NFIB: variants seen among roughly 807,000 people sequenced by gnomAD.
NFIB encodes nuclear factor I B, also known as nuclear factor 1 B-type.
In NFIB, 11 loss-of-function variants were observed where a neutral mutation model predicts 61.5. The observed-to-expected ratio is 0.18, with a 90% CI of 0.11 to 0.30. The LOEUF is 0.30. Among genes scored for constraint, NFIB ranks in the 10% least tolerant of loss-of-function variants. NFIB has a pLI of 1.00. For missense variants in NFIB, 471 were observed against 608.9 expected, an observed-to-expected ratio of 0.77 and a Z score of 2.38; for synonymous variants, 260 against 216.5, an observed-to-expected ratio of 1.20 and a Z score of -1.76.
chr9:14,514,376 C>T, the NFIB span, among the ~76,000 whole-genome samples: 1 of 150,460 alleles, frequency 6.6e-6, no homozygotes, highest in African/African-American at 2.4e-5. Context: ...GGCATGCACA[C>T]CCGCTTGGCT....
intron 2 of NFIB, among the ~76,000 whole-genome samples, chr9:14,259,735 T>C (rs918349302): frequency 3.3e-5 from 5 of 151,578 alleles, no homozygotes; most frequent in Admixed American, 6.6e-5. Flanking sequence ...ATCCTGTCTC[T>C]ACTAAAAATA....
chr9:14,177,874 T>G (rs1370722313), intron 3 of NFIB, among the ~76,000 whole-genome samples: 1 of 152,180 alleles, frequency 6.6e-6, no homozygotes, highest in African/African-American at 2.4e-5. Flanking sequence ...AATGAAATTT[T>G]AACCAAGCTT....
chr9:14,282,781 G>A lies in NFIB; in HGVS notation c.562+24208C>T, dbSNP rs537386924. Among the ~76,000 whole-genome samples the A allele has an allele frequency of 7.2e-5, 11 of 152,198 alleles. 1 individual carries two copies. In the South Asian group the frequency reaches 1.5e-3, roughly 20 times the overall value. ...GTTTCTGAATTAGGCCGCACAGCCA[G>A]GTGAGCTCCTCATGCAGGGCTTCAG... is the stretch of plus-strand genomic sequence containing the variant. On this transcript the variant is annotated intron_variant, in intron 2 of 10. Coordinates refer to ENST00000380953, the MANE Select transcript of NFIB (RefSeq NM_001190737.2).
At chr9:14,322,803 C>T (rs2060695030) in intron 1 of NFIB, among the ~76,000 whole-genome samples, 1 of 151,796 alleles carries the variant, frequency 6.6e-6, no homozygotes, top group Non-Finnish European at 1.5e-5. Context: ...GCGTGGGTAG[C>T]GGTGGGGCTC....
the NFIB span, among the ~76,000 whole-genome samples, chr9:14,415,185 G>T: frequency 6.6e-6 from 1 of 152,082 alleles, no homozygotes; most frequent in African/African-American, 2.4e-5. Flanking sequence ...TGAACTGAAG[G>T]CCCCACTTTC....
the NFIB span, among the ~76,000 whole-genome samples, chr9:14,496,480 A>C: frequency 6.6e-6 from 1 of 152,286 alleles, no homozygotes; most frequent in Non-Finnish European, 1.5e-5. Flanking sequence ...GAGGATGTTC[A>C]ACGTGTATTT....
chr9:14,273,259 C>A (rs994930024), intron 2 of NFIB, among the ~76,000 whole-genome samples: 1 of 152,154 alleles, frequency 6.6e-6, no homozygotes, highest in Non-Finnish European at 1.5e-5. Context: ...TGTGTATTAT[C>A]TGTGTAACTC....
chr9:14,346,290 A>ACCCCCCCCCCC (rs67699489), intron 1 of NFIB, among the ~76,000 whole-genome samples: 12 of 88,394 alleles, frequency 1.4e-4, no homozygotes, highest in Non-Finnish European at 2.6e-4. Flanking sequence ...GGTAACCGAC[A>ACCCCCCCCCCC]CCCCCCCCCC....
intron 2 of NFIB, among the ~76,000 whole-genome samples, chr9:14,295,544 T>C (rs1441794366): frequency 2.0e-5 from 3 of 151,868 alleles, no homozygotes; most frequent in East Asian, 1.9e-4. Flanking sequence ...GGCAGGAGAA[T>C]GGCGTGAACC....
chr9:14,381,983 G>C (rs1283833607), intron 1 of NFIB, among the ~76,000 whole-genome samples: 1 of 152,188 alleles, frequency 6.6e-6, no homozygotes, highest in Non-Finnish European at 1.5e-5. Flanking sequence ...GGCTTAGCTG[G>C]AAAAAATGCT....
intron 2 of NFIB, among the ~76,000 whole-genome samples, chr9:14,230,708 CT>C (rs1156811497): frequency 1.3e-5 from 2 of 152,092 alleles, no homozygotes; most frequent in African/African-American, 4.8e-5. Flanking sequence ...AAAAGTAGCA[CT>C]TTTTGACAAA....
At chr9:14,360,777 C>T (rs2061230019) in intron 1 of NFIB, among the ~76,000 whole-genome samples, 1 of 152,058 alleles carries the variant, frequency 6.6e-6, no homozygotes, top group Non-Finnish European at 1.5e-5. Flanking sequence ...ATCTCCTGAC[C>T]TCGTCATCCG....
At chr9:14,412,098 C>T in the NFIB span, among the ~76,000 whole-genome samples, 1 of 152,326 alleles carries the variant, frequency 6.6e-6, no homozygotes, top group South Asian at 2.1e-4. Context: ...CCCAGCTAAG[C>T]TACTCCCTGA....
rs1208095219 is a variant in NFIB at position 14,396,152 on chromosome 9, T to C, written c.108+2372A>G. On this transcript the variant is annotated intron_variant, in intron 1 of 8. Transcript: ENST00000380934. ...GCAAAGCAGCTTTTAATGTATTTGA[T>C]AATTAGTTGGTTTATGTTTTTTTCA... Among the ~76,000 whole-genome samples the C allele has an allele frequency of 2.0e-5, 3 of 152,146 alleles. No individual in the cohort carries two copies. In the East Asian group the frequency reaches 5.8e-4, roughly 29 times the overall value.
At chr9:14,331,641 T>C (rs1324272925) in intron 1 of NFIB, among the ~76,000 whole-genome samples, 2 of 152,190 alleles carry the variant, frequency 1.3e-5, no homozygotes, top group Non-Finnish European at 2.9e-5. Context: ...CTGAAAGTAA[T>C]GGAATATAGG....
At chr9:14,401,373 G>C (rs1399607862), upstream of NFIB, among the ~76,000 whole-genome samples, 1 of 152,102 alleles carries the variant, frequency 6.6e-6, no homozygotes, top group Non-Finnish European at 1.5e-5. Context: ...GTCCTCGTGA[G>C]GCCTTGCTTC....
chr9:14,191,652 T>G (rs1385259364), intron 2 of NFIB, among the ~76,000 whole-genome samples: 1 of 152,160 alleles, frequency 6.6e-6, no homozygotes, highest in Non-Finnish European at 1.5e-5. Context: ...AAATCAAGGT[T>G]CTGCATAATG....
At chr9:14,365,708 C>A (rs896044774) in intron 1 of NFIB, among the ~76,000 whole-genome samples, 3 of 152,156 alleles carry the variant, frequency 2.0e-5, no homozygotes, top group African/African-American at 7.2e-5. Context: ...CAAACATATG[C>A]TCTTATCAAT....
chr9:14,192,008 A>G (rs905058390), intron 2 of NFIB, among the ~76,000 whole-genome samples: 1 of 152,210 alleles, frequency 6.6e-6, no homozygotes, highest in South Asian at 2.1e-4. Context: ...TTACAAGACC[A>G]GTTGAACTTT....
Sources: gnomAD v4.1 joint callset for allele counts (sites outside exome capture counted in the v4.1 genomes callset) on GRCh38, gnomAD v4.1.1 for gene constraint, MANE v1.5 for transcripts, NCBI Gene and HGNC (gene_info 2026-07-23, HGNC 2026-07-21) for gene names.